ELMO1: variants seen among roughly 807,000 people sequenced by gnomAD.
ELMO1 encodes engulfment and cell motility protein 1.
ELMO1 carries 26 observed loss-of-function variants against 98.9 expected under a neutral mutation model. The observed-to-expected ratio is 0.26, with a 90% CI of 0.19 to 0.36. ELMO1 has a LOEUF of 0.36. Ranked by LOEUF, ELMO1 falls within the 10% of genes least tolerant of loss-of-function variation. The pLI is 1.00. For synonymous variants in ELMO1, 346 were observed against 346.0 expected, an observed-to-expected ratio of 1.00 and a Z score of 0.00; for missense variants, 627 against 935.2, an observed-to-expected ratio of 0.67 and a Z score of 4.30.
chr7:36,881,693 G>A (rs1804474247), intron 18 of ELMO1, among the ~76,000 whole-genome samples: 1 of 152,146 alleles, frequency 6.6e-6, no homozygotes, highest in Non-Finnish European at 1.5e-5. Context: ...AGAGGGAAGA[G>A]CTGCTTTCAG....
intron 4 of ELMO1, among the ~76,000 whole-genome samples, chr7:37,308,098 G>A (rs1798706756): frequency 6.6e-6 from 1 of 152,094 alleles, no homozygotes; most frequent in Non-Finnish European, 1.5e-5. Flanking sequence ...GCCCGACAGA[G>A]CAAGACTCTG....
At chr7:36,995,481 C>T (rs1172319961) in intron 16 of ELMO1, among the ~76,000 whole-genome samples, 1 of 150,996 alleles carries the variant, frequency 6.6e-6, no homozygotes, top group Non-Finnish European at 1.5e-5. Context: ...GCACTCTACC[C>T]TGGTGACAGA....
intron 1 of ELMO1, among the ~76,000 whole-genome samples, chr7:37,347,458 T>C (rs1488085559): frequency 6.6e-6 from 1 of 152,116 alleles, no homozygotes; most frequent in Non-Finnish European, 1.5e-5. Context: ...CGGTGGGAGA[T>C]AACTGAATTA....
At chr7:37,429,515 C>G (rs1804844140) in intron 1 of ELMO1, 1 of 152,264 alleles carries the variant, frequency 6.6e-6, no homozygotes, top group Non-Finnish European at 1.5e-5. Flanking sequence ...ACTCTCCCAT[C>G]TGGTCAGCTC....
intron 20 of ELMO1, among the ~76,000 whole-genome samples, chr7:36,865,709 G>A (rs1802987933): frequency 6.6e-6 from 1 of 152,126 alleles, no homozygotes; most frequent in South Asian, 2.1e-4. Flanking sequence ...AACTCTCCCA[G>A]GCTCCATGTT....
intron 4 of ELMO1, among the ~76,000 whole-genome samples, chr7:37,282,448 A>G (rs902746352): frequency 1.3e-4 from 20 of 152,194 alleles, no homozygotes; most frequent in African/African-American, 4.8e-4. Context: ...CTTTTGTCCA[A>G]CTGTGTGTCC....
At chr7:36,908,253 A>C (rs1466419542) in intron 16 of ELMO1, among the ~76,000 whole-genome samples, 1 of 152,226 alleles carries the variant, frequency 6.6e-6, no homozygotes, top group African/African-American at 2.4e-5. Context: ...GAATAAACTG[A>C]AATAGTGAAC....
chr7:37,421,077 T>C (rs1049438930), intron 1 of ELMO1, among the ~76,000 whole-genome samples: 16 of 152,198 alleles, frequency 1.1e-4, no homozygotes, highest in African/African-American at 3.6e-4. Flanking sequence ...CTCTGAGCAG[T>C]ACAGACTAAC....
chr7:36,961,785 T>C (rs1788974508), intron 16 of ELMO1, among the ~76,000 whole-genome samples: 1 of 152,166 alleles, frequency 6.6e-6, no homozygotes. Flanking sequence ...CTAATAAGAT[T>C]GAAACAAAAT....
chr7:37,304,488 G>A (rs1798503730), intron 4 of ELMO1, among the ~76,000 whole-genome samples: 1 of 152,344 alleles, frequency 6.6e-6, no homozygotes, highest in Non-Finnish European at 1.5e-5. Flanking sequence ...GGCTGAGGCA[G>A]GTGGATAACC....
chr7:37,143,399 C>T (rs1787764791), intron 13 of ELMO1, among the ~76,000 whole-genome samples: 1 of 152,120 alleles, frequency 6.6e-6, no homozygotes, highest in South Asian at 2.1e-4. Flanking sequence ...GGCCTGAGAT[C>T]CATCTTTTTA....
intron 2 of ELMO1, among the ~76,000 whole-genome samples, chr7:37,326,770 T>C (rs528683380): frequency 4.6e-5 from 7 of 152,198 alleles, no homozygotes; most frequent in Non-Finnish European, 7.4e-5. Context: ...GAAATAATTA[T>C]GTTGAATGTA....
intron 14 of ELMO1, among the ~76,000 whole-genome samples, chr7:37,120,923 G>A (rs1019473240): frequency 2.0e-5 from 3 of 151,986 alleles, no homozygotes; most frequent in Non-Finnish European, 4.4e-5. Context: ...CCTCTGAGAC[G>A]AAACTTCTAG....
At chr7:37,037,229 T>C (rs1275178900) in intron 15 of ELMO1, among the ~76,000 whole-genome samples, 1 of 152,210 alleles carries the variant, frequency 6.6e-6, no homozygotes, top group African/African-American at 2.4e-5. Context: ...AAATCTGAGA[T>C]GAAGAAGTTC....
chr7:37,027,564 C>T (rs1169169842), intron 15 of ELMO1, among the ~76,000 whole-genome samples: 2 of 152,010 alleles, frequency 1.3e-5, no homozygotes, highest in African/African-American at 2.4e-5. Context: ...ATGTGAGATT[C>T]GAAAGGATAG....
chr7:37,065,802 C>G (rs1451379029), intron 15 of ELMO1, among the ~76,000 whole-genome samples: 1 of 152,170 alleles, frequency 6.6e-6, no homozygotes, highest in Admixed American at 6.5e-5. Context: ...CCTGCCCTAA[C>G]AACATTCACG....
At chr7:36,926,257 T>C (rs893200211) in intron 16 of ELMO1, among the ~76,000 whole-genome samples, 2 of 152,242 alleles carry the variant, frequency 1.3e-5, no homozygotes, top group African/African-American at 4.8e-5. Flanking sequence ...CAATCGCAGA[T>C]AGTCCCTTTG....
intron 5 of ELMO1, among the ~76,000 whole-genome samples, chr7:37,267,600 T>G (rs1796333787): frequency 6.6e-6 from 1 of 152,188 alleles, no homozygotes; most frequent in South Asian, 2.1e-4. Context: ...ACAAATAGAT[T>G]CTACTTCAAA....
chr7:37,000,579 A>T (rs778574557), intron 16 of ELMO1, among the ~76,000 whole-genome samples: 9 of 152,206 alleles, frequency 5.9e-5, no homozygotes, highest in Non-Finnish European at 1.0e-4. Context: ...GGTAAAATAC[A>T]AAAGATAATT....
Sources: allele counts gnomAD v4.1 joint callset (sites outside exome capture counted in the v4.1 genomes callset), GRCh38; gene constraint gnomAD v4.1.1; transcripts MANE v1.5; gene names NCBI Gene and HGNC (gene_info 2026-07-23, HGNC 2026-07-21).